PAPSS2: variants seen among roughly 807,000 people sequenced by gnomAD.
PAPSS2 encodes the protein bifunctional 3'-phosphoadenosine 5'-phosphosulfate synthase 2.
In PAPSS2, 61 loss-of-function variants were observed where a neutral mutation model predicts 66.5. The observed-to-expected ratio is 0.92, with a 90% CI of 0.75 to 1.14. The LOEUF (loss-of-function observed/expected upper bound fraction) is 1.14, where lower values mean the gene tolerates loss of function less well. Ranked by LOEUF, PAPSS2 falls within the 50% of genes most tolerant of loss-of-function variation. PAPSS2 has a pLI of 0.00. For missense variants in PAPSS2, 708 were observed against 789.6 expected (o/e 0.90, Z 1.24); for synonymous variants, 289 against 287.5 (o/e 1.01, Z -0.05).
intron 1 of PAPSS2, among the ~76,000 whole-genome samples, chr10:87,660,610 G>A (rs1003316168): frequency 3.3e-5 from 5 of 152,050 alleles, no homozygotes; most frequent in Non-Finnish European, 7.4e-5. Context: ...TCGGTTTGGT[G>A]GAGTAAGATG....
intron 7 of PAPSS2, among the ~76,000 whole-genome samples, chr10:87,716,405 G>A (rs10749558): frequency 0.98 from 149,627 of 152,382 alleles, 73,484 homozygotes; most frequent in East Asian, 1. Context: ...AATGGCTTTT[G>A]GAAAACCAAT....
intron 10 of PAPSS2, among the ~76,000 whole-genome samples, chr10:87,742,059 C>A (rs567298325): frequency 6.6e-6 from 1 of 152,292 alleles, no homozygotes; most frequent in African/African-American, 2.4e-5. Flanking sequence ...TCATGCCTGG[C>A]TTCAGCATTT....
At position 87,727,384 on chromosome 10, in the gene PAPSS2, A is replaced by G. The variant is rs1589439326; in HGVS notation, c.981A>G (p.Gly327=). ...GCSKFVLAHG[G]RRVAILRDAE... ...GCAAGTTTGTCCTGGCACATGGTGGACGGAGGGTAGCTATCTTACGAGACG... is the reference window on the plus strand; with the variant it reads ...GCAAGTTTGTCCTGGCACATGGTGGGCGGAGGGTAGCTATCTTACGAGACG... The change falls in exon 9 of 13, where the codon GGA becomes GGG. Residue 327 remains glycine, a synonymous_variant. Transcript: ENST00000456849. 6.8e-6 allele frequency: 11 copies of G among 1,614,090 alleles called. No individual in the cohort carries two copies. The highest frequency in any genetic ancestry group is 9.3e-6 in the Non-Finnish European group (11 of 1,179,978).
intron 7 of PAPSS2, 50 bp downstream of exon 7, chr10:87,715,893 A>T (rs761784117): frequency 3.7e-5 from 45 of 1,212,330 alleles, no homozygotes; most frequent in Admixed American, 2.5e-4. Context: ...GAAAAAAAAA[A>T]ATCTTTCCCA....
At chr10:87,682,540 A>G (rs1186432275) in intron 1 of PAPSS2, among the ~76,000 whole-genome samples, 2 of 152,240 alleles carry the variant, frequency 1.3e-5, no homozygotes, top group African/African-American at 4.8e-5. Context: ...CACATGTAGG[A>G]TAATAACACA....
At chr10:87,740,452 C>T (rs1247840617) in intron 9 of PAPSS2, among the ~76,000 whole-genome samples, 1 of 151,780 alleles carries the variant, frequency 6.6e-6, no homozygotes, top group Non-Finnish European at 1.5e-5. Flanking sequence ...ATGATTCATC[C>T]AAAGCACAGT....
chr10:87,701,808 T>A (rs1225498572), intron 1 of PAPSS2, among the ~76,000 whole-genome samples: 1 of 152,202 alleles, frequency 6.6e-6, no homozygotes, highest in East Asian at 1.9e-4. Flanking sequence ...ACGAATGGCC[T>A]AAGTAACTTA....
chr10:87,706,096 A>ATATATATATATATATATATATATATATG (rs1853381754), intron 1 of PAPSS2, among the ~76,000 whole-genome samples: 1 of 86,850 alleles, frequency 1.2e-5, no homozygotes. Flanking sequence ...ATATATATAT[A>ATATATATATATATATATATATATATATG]TATATATATA....
At chr10:87,685,359 T>C (rs1444322174) in intron 1 of PAPSS2, among the ~76,000 whole-genome samples, 1 of 152,212 alleles carries the variant, frequency 6.6e-6, no homozygotes, top group African/African-American at 2.4e-5. Flanking sequence ...TTAATGTTTG[T>C]AGGAAAAGAA....
At chr10:87,742,639 T>C (rs910264166) in intron 10 of PAPSS2, among the ~76,000 whole-genome samples, 1 of 152,206 alleles carries the variant, frequency 6.6e-6, no homozygotes, top group African/African-American at 2.4e-5. Flanking sequence ...GTTTTGGAGA[T>C]TTCTTTAAAG....
intron 7 of PAPSS2, 49 bp from the exon 8 acceptor site, chr10:87,721,707 T>A: frequency 7.1e-7 from 1 of 1,411,690 alleles, no homozygotes; most frequent in Non-Finnish European, 9.8e-7. Context: ...GTAAGATTCG[T>A]TTGGTGGAGA....
chr10:87,710,461 T>C (rs1853449997), intron 2 of PAPSS2, among the ~76,000 whole-genome samples: 1 of 152,206 alleles, frequency 6.6e-6, no homozygotes, highest in South Asian at 2.1e-4. Flanking sequence ...ATTTGAGCAG[T>C]AGGTACAGCT....
intron 1 of PAPSS2, among the ~76,000 whole-genome samples, chr10:87,708,088 T>A (rs1008438545): frequency 6.6e-6 from 1 of 152,154 alleles, no homozygotes; most frequent in African/African-American, 2.4e-5. Context: ...TTGGATCACA[T>A]GTTATTTTCT....
At chr10:87,745,720 T>C in intron 12 of PAPSS2, 112 bp from the exon 13 acceptor site, 2 of 1,056,536 alleles carry the variant, frequency 1.9e-6, no homozygotes, top group South Asian at 1.3e-5. Context: ...CTTTTGAAGA[T>C]GCAGCATTTT....
chr10:87,688,792 C>T (rs1853124719), intron 1 of PAPSS2, among the ~76,000 whole-genome samples: 2 of 152,040 alleles, frequency 1.3e-5, no homozygotes, highest in African/African-American at 4.8e-5. Context: ...AAAACCCAAA[C>T]AGTCCTTCTT....
intron 1 of PAPSS2, among the ~76,000 whole-genome samples, chr10:87,706,106 A>G (rs201326823): frequency 0.017 from 1,488 of 85,216 alleles, 57 homozygotes; most frequent in African/African-American, 0.046. Context: ...ATATATATAT[A>G]TATGTGTGTG....
rs180950277 is a variant in PAPSS2, at chr10:87,679,273, G to A, written c.27+19265G>A. Among the ~76,000 whole-genome samples the A allele has an allele frequency of 1.2e-4, 19 of 152,210 alleles. No homozygotes were observed. The East Asian group carries it at 1.9e-3, about 15-fold the overall frequency. On this transcript the variant is annotated intron_variant, in intron 1 of 12. Transcript: ENST00000456849. ...AGTAGAATGATACATACTAGAGGCC[G>A]GGAAAATTGGTTAGGGTGGGGAGAT...
chr10:87,702,539 G>T, intron 1 of PAPSS2, among the ~76,000 whole-genome samples: 1 of 152,174 alleles, frequency 6.6e-6, no homozygotes, highest in East Asian at 1.9e-4. Context: ...TGAGGAGCGG[G>T]AAGATTTGGA....
intron 9 of PAPSS2, among the ~76,000 whole-genome samples, chr10:87,740,076 T>A (rs896476637): frequency 5.9e-5 from 9 of 152,232 alleles, no homozygotes; most frequent in African/African-American, 2.2e-4. Flanking sequence ...TGATAAACTA[T>A]GGTTATTCAG....
Sources: gnomAD v4.1 joint callset for allele counts (sites outside exome capture counted in the v4.1 genomes callset) on GRCh38, gnomAD v4.1.1 for gene constraint, MANE v1.5 for transcripts, NCBI Gene and HGNC (gene_info 2026-07-23, HGNC 2026-07-21) for gene names.